Variants in MRPS6 observed in about 807,000 individuals in gnomAD.
MRPS6 encodes small ribosomal subunit protein bS6m.
MRPS6 carries 6 observed loss-of-function variants against 13.1 expected under a neutral mutation model. That is an observed-to-expected ratio of 0.46 (90% CI 0.25 to 0.91). MRPS6 has a LOEUF of 0.91. Among genes scored for constraint, MRPS6 ranks in the 40% least tolerant of loss-of-function variants. The pLI is 0.18. For synonymous variants in MRPS6, 61 were observed against 56.5 expected (o/e 1.08, Z -0.36); for missense variants, 164 against 155.6 (o/e 1.05, Z -0.29).
intron 1 of MRPS6, among the ~76,000 whole-genome samples, chr21:34,112,404 A>T (rs1357885677): frequency 7.3e-6 from 1 of 137,458 alleles, no homozygotes; most frequent in African/African-American, 2.9e-5. Flanking sequence ...AGACACGTTT[A>T]TAGAAAGTAG....
chr21:34,140,474 C>CAGAATATGGT (rs1980872065), intron 2 of MRPS6, among the ~76,000 whole-genome samples: 1 of 152,088 alleles, frequency 6.6e-6, no homozygotes, highest in South Asian at 2.1e-4. Flanking sequence ...TTATATGGCC[C>CAGAATATGGT]AGAATATGGT....
At chr21:34,108,331 TGTC>T (rs1228317797) in intron 1 of MRPS6, among the ~76,000 whole-genome samples, 1 of 152,204 alleles carries the variant, frequency 6.6e-6, no homozygotes, top group African/African-American at 2.4e-5. Context: ...CTCAAGTACT[TGTC>T]GTTGTGCGGT....
chr21:34,133,034 G>A (rs1454148385), intron 2 of MRPS6, among the ~76,000 whole-genome samples: 1 of 152,118 alleles, frequency 6.6e-6, no homozygotes, highest in African/African-American at 2.4e-5. Flanking sequence ...GGAGAGGGCT[G>A]CTGGACCCCA....
At chr21:34,137,922 C>T (rs2123275009) in intron 2 of MRPS6, among the ~76,000 whole-genome samples, 1 of 151,792 alleles carries the variant, frequency 6.6e-6, no homozygotes, top group East Asian at 1.9e-4. Flanking sequence ...AAATGTTAAG[C>T]CAATCTTGCA....
chr21:34,125,752 A>G (rs189527782), intron 2 of MRPS6, among the ~76,000 whole-genome samples: 5 of 152,278 alleles, frequency 3.3e-5, no homozygotes, highest in African/African-American at 1.2e-4. Context: ...CAACCTTAGC[A>G]CTGTTTTCCC....
chr21:34,093,086 T>G (rs550502883), intron 1 of MRPS6, among the ~76,000 whole-genome samples: 38 of 152,326 alleles, frequency 2.5e-4, no homozygotes, highest in African/African-American at 8.9e-4. Context: ...TCTGATTAGA[T>G]TTTATTAAAA....
chr21:34,093,078 T>C (rs886436196), intron 1 of MRPS6, among the ~76,000 whole-genome samples: 2 of 152,226 alleles, frequency 1.3e-5, no homozygotes, highest in African/African-American at 4.8e-5. Flanking sequence ...ACTAGTCATC[T>C]GATTAGATTT....
intron 2 of MRPS6, among the ~76,000 whole-genome samples, chr21:34,129,304 T>C (rs909154103): frequency 1.3e-5 from 2 of 152,094 alleles, no homozygotes; most frequent in Non-Finnish European, 2.9e-5. Context: ...GAGCTGAGAC[T>C]GAGAGGAAAC....
In MRPS6 at chr21:34,098,298, G is replaced by A. The variant is rs78365560; in HGVS notation, c.45+24553G>A. ...AAATTATTAGCCAAATGCCTTCCTAGGTGGATCCAGTTGGAAGATATGTCC... is the reference window on the plus strand; with the variant it reads ...AAATTATTAGCCAAATGCCTTCCTAAGTGGATCCAGTTGGAAGATATGTCC... On this transcript the variant is annotated intron_variant, in intron 1 of 2. Coordinates refer to ENST00000399312, the MANE Select transcript of MRPS6 (RefSeq NM_032476.4). 5.5e-3 allele frequency: 5,454 copies of A among 999,952 alleles called. 106 individuals carry two copies. The South Asian group carries it at 0.078, about 14-fold the overall frequency. 61.9% of individuals were successfully genotyped at this position (999,952 alleles called of 1,614,324 possible). A position where few individuals can be genotyped will look rare whatever the true frequency, so the allele number is the denominator to read the frequency against.
chr21:34,073,597 C>G lies in MRPS6; in HGVS notation c.-104C>G. The G allele has an allele frequency of 9.9e-7, 1 of 1,008,842 alleles. No homozygotes were observed. The highest frequency in any genetic ancestry group is 1.4e-6 in the Non-Finnish European group (1 of 701,106). 62.5% of individuals were successfully genotyped at this position (1,008,842 alleles called of 1,614,324 possible). On this transcript the variant is annotated 5_prime_UTR_variant, in exon 1 of 3. Coordinates refer to ENST00000399312, the MANE Select transcript of MRPS6 (RefSeq NM_032476.4). ...GACCGTGCTTTCGCCGCCTGGGAGC[C>G]GTCCGGCGCAGCAGTTTCTAGGTCC...
intron 1 of MRPS6, among the ~76,000 whole-genome samples, chr21:34,111,435 A>G (rs1979695491): frequency 6.6e-6 from 1 of 152,132 alleles, no homozygotes; most frequent in East Asian, 1.9e-4. Flanking sequence ...CCCAAGTTCT[A>G]CCTCTGAAGT....
rs1270895662 is a variant in MRPS6, at chr21:34,073,597, C to A, written c.-104C>A. 7.0e-5 allele frequency: 71 copies of A among 1,008,724 alleles called. No individual in the cohort carries two copies. The highest frequency in any genetic ancestry group is 1.0e-4 in the Non-Finnish European group (70 of 701,108). The allele number at this position is 1,008,724 out of a possible 1,614,324, so 62.5% of individuals were successfully genotyped here. On this transcript the variant is annotated 5_prime_UTR_variant, in exon 1 of 3. Transcript: ENST00000399312. ...GACCGTGCTTTCGCCGCCTGGGAGC[C>A]GTCCGGCGCAGCAGTTTCTAGGTCC...
In MRPS6 at chr21:34,096,479, AATC is replaced by A; in HGVS notation, c.45+22738_45+22740del. On this transcript the variant is annotated intron_variant, in intron 1 of 2. Coordinates refer to ENST00000399312, the MANE Select transcript of MRPS6 (RefSeq NM_032476.4). This position sits in a 1 kb window ranked among gnomAD's most constrained non-coding sequence, Gnocchi z 5.9. ...TGGTGATCAGCATAGCATGGGTGCC[AATC>A]ATCGTGGAGATGCAAGGAGGCCAGA... is the stretch of plus-strand genomic sequence containing the variant. The A allele has an allele frequency of 6.2e-7, 1 of 1,614,196 alleles. No homozygotes were observed. Among genetic ancestry groups the A allele is most frequent in the Non-Finnish European group, 8.5e-7 (1 of 1,180,018 alleles).
chr21:34,140,274 T>G (rs77539094), intron 2 of MRPS6, among the ~76,000 whole-genome samples: 5,031 of 152,152 alleles, frequency 0.033, 231 homozygotes, highest in African/African-American at 0.098. Flanking sequence ...TCCTGACAAG[T>G]ATTGCTTTCA....
chr21:34,096,927 G>C lies in MRPS6; in HGVS notation c.45+23182G>C. ...AGAAAAGAGCATTCTGAGATGCAGT[G>C]AGAATAATGAGACCATCAACCACAT... On this transcript the variant is annotated intron_variant, in intron 1 of 2. Transcript: ENST00000399312. This position sits in a 1 kb window ranked among gnomAD's most constrained non-coding sequence, Gnocchi z 5.9. The C allele has an allele frequency of 6.2e-7, 1 of 1,614,122 alleles. No individual in the cohort carries two copies. Among genetic ancestry groups the C allele is most frequent in the South Asian group, 1.1e-5 (1 of 91,078 alleles).
intron 1 of MRPS6, chr21:34,123,701 C>G (rs1048505735): frequency 2.6e-5 from 4 of 152,160 alleles, no homozygotes; most frequent in African/African-American, 9.6e-5. Context: ...ACCAACTTGC[C>G]CATGTGTTTT....
intron 2 of MRPS6, among the ~76,000 whole-genome samples, chr21:34,126,323 T>G (rs764146509): frequency 6.6e-6 from 1 of 152,226 alleles, no homozygotes; most frequent in African/African-American, 2.4e-5. Context: ...CTTGTAGTTA[T>G]GTGAGTCGAG....
intron 2 of MRPS6, among the ~76,000 whole-genome samples, chr21:34,140,185 G>C (rs986211476): frequency 6.8e-6 from 1 of 146,676 alleles, no homozygotes; most frequent in African/African-American, 2.5e-5. Context: ...TCTTTTCCTA[G>C]TTTCTTAAAG....
At chr21:34,104,179 A>T (rs982327876) in intron 1 of MRPS6, 2 of 1,000,060 alleles carry the variant, frequency 2.0e-6, no homozygotes, top group African/African-American at 3.5e-5. Context: ...ATTTGATCTG[A>T]GTGTTCTGAG....
Sources: gnomAD v4.1 joint callset for allele counts (sites outside exome capture counted in the v4.1 genomes callset) on GRCh38, gnomAD v4.1.1 for gene constraint, Gnocchi (gnomAD v3.1) non-coding constraint, MANE v1.5 for transcripts, NCBI Gene and HGNC (gene_info 2026-07-23, HGNC 2026-07-21) for gene names.